PNN: variants seen among roughly 807,000 people sequenced by gnomAD.
PNN encodes the protein pinin, desmosome associated protein.
PNN carries 38 observed loss-of-function variants against 76.6 expected under a neutral mutation model. The observed-to-expected ratio is 0.50, with a 90% CI of 0.38 to 0.65. The LOEUF (loss-of-function observed/expected upper bound fraction) is 0.65, where lower values mean the gene tolerates loss of function less well. Ranked by LOEUF, PNN falls within the 30% of genes least tolerant of loss-of-function variation. The pLI is 0.00. For synonymous variants in PNN, 366 were observed against 283.7 expected, an observed-to-expected ratio of 1.29 and a Z score of -2.91; for missense variants, 873 against 874.1, an observed-to-expected ratio of 1.00 and a Z score of 0.02.
Position 39,180,648 on chromosome 14 carries a change from T to A in PNN, c.939T>A (p.Ala313=), listed in dbSNP as rs2053262280. Residue 313 remains alanine (A), a synonymous_variant, in exon 9 of 9, where the codon GCT becomes GCA. Transcript: ENST00000216832. ...CGGAACAAGAAGAGGGTAAGGTGGC[T>A]CAGCGAGAGGAAGAGTTGGAGGAGA... ...QKAEQEEGKV[A]QREEELEETG... 6.2e-7 allele frequency: 1 copy of A among 1,613,118 alleles called. No individual in the cohort carries two copies. Among genetic ancestry groups the A allele is most frequent in the African/African-American group, 1.3e-5 (1 of 74,868 alleles).
Position 39,179,472 on chromosome 14 carries a change from C to T in PNN, c.793+10C>T, listed in dbSNP as rs983456078. 8.7e-6 allele frequency: 14 copies of T among 1,606,568 alleles called. No homozygotes were observed. Among genetic ancestry groups the T allele is most frequent in the African/African-American group, 4.0e-5 (3 of 74,466 alleles). On this transcript the variant is annotated intron_variant, in intron 8 of 8. Transcript: ENST00000216832. Reference sequence around the variant, plus strand: ...CAGAGAAAAATGAACGGTAAGTATGCGAAGAGGTCCATTGAATTGTTCATA... The same window carrying T: ...CAGAGAAAAATGAACGGTAAGTATGTGAAGAGGTCCATTGAATTGTTCATA...
Position 39,176,294 on chromosome 14 carries a change from T to TATAA in PNN, c.185+149_185+152dup, listed in dbSNP as rs2053223395. The TATAA allele has an allele frequency of 4.7e-6, 3 of 640,286 alleles. No homozygotes were observed. In the East Asian group the frequency reaches 8.2e-5, roughly 18 times the overall value. 39.7% of individuals were successfully genotyped at this position (640,286 alleles called of 1,614,324 possible). ...AATGTTGTAATAGACTAGATTTCTG[T>TATAA]ATAAATATAGTTATCCTGAAAAACT... On this transcript the variant is annotated intron_variant, in intron 2 of 8. Coordinates refer to ENST00000216832, the MANE Select transcript of PNN (RefSeq NM_002687.4).
Position 39,180,796 on chromosome 14 carries a change from G to A in PNN, c.1087G>A (p.Glu363Lys). 6.2e-7 allele frequency: 1 copy of A among 1,612,258 alleles called. No individual in the cohort carries two copies. The highest frequency in any genetic ancestry group is 8.5e-7 in the Non-Finnish European group (1 of 1,179,000). The change falls in exon 9 of 9, where the codon GAG becomes AAG. Residue 363 changes from glutamate (E) to lysine (K), a missense_variant. Transcript: ENST00000216832. The part of the protein sequence containing the change: ...QEEEEQKQEM[E>K]VKMEEETEVR... ...GGAGGAAGAACAAAAACAGGAAATG[G>A]AGGTTAAGATGGAGGAGGAAACTGA...
Position 39,176,958 on chromosome 14 carries a change from G to A in PNN, c.254+363G>A, listed in dbSNP as rs1293171454. 3.3e-5 allele frequency among the ~76,000 whole-genome samples: 5 copies of A among 152,246 alleles called. No individual in the cohort carries two copies. The East Asian group carries it at 5.8e-4, about 18-fold the overall frequency. ...TTTGGGCGTTAGTTCACACATTGTAGTATCCTTTCTCTGCTGGAGGAAAGA... is the reference window on the plus strand; with the variant it reads ...TTTGGGCGTTAGTTCACACATTGTAATATCCTTTCTCTGCTGGAGGAAAGA... On this transcript the variant is annotated intron_variant, in intron 3 of 8. Coordinates refer to ENST00000216832, the MANE Select transcript of PNN (RefSeq NM_002687.4).
In PNN at chr14:39,181,824, AAG is replaced by A. The variant is rs1383422927; in HGVS notation, c.2119_2120del (p.Asp707ProfsTer19). The part of the protein sequence containing the change: ...RSGKRSSRSE[R>X]DRKSDRKDKR... ...CAGGCAAAAGATCTTCAAGAAGTGA[AAG>A]AGACCGAAAATCAGACAGGAAAGAC... On this transcript the variant is annotated frameshift_variant, in exon 9 of 9. Coordinates refer to ENST00000216832, the MANE Select transcript of PNN (RefSeq NM_002687.4). LOFTEE classifies it high-confidence loss of function. 5 of 1,603,486 alleles carry A rather than the reference AAG, an allele frequency of 3.1e-6. No individual in the cohort carries two copies. The highest frequency in any genetic ancestry group is 2.2e-5 in the East Asian group (1 of 44,870).
chr14:39,177,266 G>T, intron 3 of PNN, 146 bp from the exon 4 acceptor site: 7 of 634,592 alleles, frequency 1.1e-5, no homozygotes, highest in Non-Finnish European at 1.9e-5. Context: ...CACGCCTGTA[G>T]TCCCAGCTGC....
rs1566559496 is a variant in PNN, at chr14:39,181,341, A to G, written c.1632A>G (p.Pro544=). The change falls in exon 9 of 9, where the codon CCA becomes CCG. Residue 544 remains proline (P), a synonymous_variant. Transcript: ENST00000216832. ...AACTCACTGAGGTACCAGTAGAGCC[A>G]GTCTTGACAGTACATCCAGAGAGCA... The part of the protein sequence containing the change: ...SVKLTEVPVE[P]VLTVHPESKS... 1.2e-6 allele frequency: 2 copies of G among 1,614,238 alleles called. No individual in the cohort carries two copies. Among genetic ancestry groups the G allele is most frequent in the East Asian group, 4.5e-5 (2 of 44,890 alleles).
In PNN at chr14:39,177,393, T is replaced by C; in HGVS notation, c.255-19T>C. The C allele has an allele frequency of 6.2e-7, 1 of 1,610,004 alleles. No homozygotes were observed. Among genetic ancestry groups the C allele is most frequent in the South Asian group, 1.1e-5 (1 of 90,792 alleles). ...ATAGTGAAACCCTGTCTCAAAAAAATTAATATTTTCTATGACAGGCTGGGC... is the reference window on the plus strand; with the variant it reads ...ATAGTGAAACCCTGTCTCAAAAAAACTAATATTTTCTATGACAGGCTGGGC... On this transcript the variant is annotated intron_variant, in intron 3 of 8. Transcript: ENST00000216832.
At chr14:39,178,699 C>T (rs532428945) in intron 6 of PNN, among the ~76,000 whole-genome samples, 58 of 145,974 alleles carry the variant, frequency 4.0e-4, no homozygotes, top group South Asian at 1.7e-3. Context: ...CCACTGTGCC[C>T]GGCCTGCAGA....
At position 39,177,847 on chromosome 14, in the gene PNN, G is replaced by A. The variant is rs1138656; in HGVS notation, c.429G>A (p.Arg143=). Residue 143 remains arginine, a synonymous_variant, in exon 6 of 9, where the codon CGG becomes CGA. Coordinates refer to ENST00000216832, the MANE Select transcript of PNN (RefSeq NM_002687.4). ...TTCTTATTCTGTTCTTTAGGAACCGGCGAATATTTGGCTTGTTGATGGGTA... is the reference window on the plus strand; with the variant it reads ...TTCTTATTCTGTTCTTTAGGAACCGACGAATATTTGGCTTGTTGATGGGTA... The part of the protein sequence containing the change: ...NMDEKGKQRN[R]RIFGLLMGTL... The A allele has an allele frequency of 6.2e-7, 1 of 1,609,842 alleles. No homozygotes were observed. Among genetic ancestry groups the A allele is most frequent in the Non-Finnish European group, 8.5e-7 (1 of 1,176,492 alleles).
chr14:39,179,897 A>G (rs2053257216), intron 8 of PNN, among the ~76,000 whole-genome samples: 1 of 148,140 alleles, frequency 6.8e-6, no homozygotes, highest in Non-Finnish European at 1.5e-5. Context: ...GCTAGACTCC[A>G]TCTCAAAAAA....
chr14:39,181,245 A>G lies in PNN; in HGVS notation c.1536A>G (p.Pro512=). Residue 512 remains proline (P), a synonymous_variant, in exon 9 of 9, where the codon CCA becomes CCG. Coordinates refer to ENST00000216832, the MANE Select transcript of PNN (RefSeq NM_002687.4). ...ATTTGTCATTAGCTGTTTTACAGCCAACACCCCAAGTTACTCAGGAGCAAG... is the reference window on the plus strand; with the variant it reads ...ATTTGTCATTAGCTGTTTTACAGCCGACACCCCAAGTTACTCAGGAGCAAG... ...PEDLSLAVLQ[P]TPQVTQEQGH... is the part of the protein sequence containing the mutation. The G allele has an allele frequency of 6.2e-7, 1 of 1,614,144 alleles. No individual in the cohort carries two copies. Among genetic ancestry groups the G allele is most frequent in the African/African-American group, 1.3e-5 (1 of 75,050 alleles).
intron 6 of PNN, among the ~76,000 whole-genome samples, chr14:39,178,691 A>T (rs1243659026): frequency 2.1e-5 from 3 of 146,246 alleles, no homozygotes; most frequent in African/African-American, 5.1e-5. Flanking sequence ...GGTGTGAGCC[A>T]CTGTGCCCGG....
chr14:39,181,129 G>A lies in PNN; in HGVS notation c.1420G>A (p.Ala474Thr). 6.2e-7 allele frequency: 1 copy of A among 1,611,772 alleles called. No individual in the cohort carries two copies. The highest frequency in any genetic ancestry group is 8.5e-7 in the Non-Finnish European group (1 of 1,177,996). The change falls in exon 9 of 9, where the codon GCT (alanine) becomes ACT (threonine). Residue 474 changes from alanine to threonine, a missense_variant. This residue lies in a region of PNN where 712 missense variants were observed against 693.1 expected (regional missense o/e 1.03). Transcript: ENST00000216832. Reference protein sequence around the residue: ...KESEPQPEPVAQPQPQSQPQL... With the variant: ...KESEPQPEPVTQPQPQSQPQL... ...ATCTGAGCCCCAACCTGAGCCTGTG[G>A]CTCAACCTCAGCCTCAGTCTCAGCC...
chr14:39,179,701 G>A (rs1354896356), intron 8 of PNN, among the ~76,000 whole-genome samples: 1 of 151,850 alleles, frequency 6.6e-6, no homozygotes, highest in Non-Finnish European at 1.5e-5. Flanking sequence ...AGACCATCCC[G>A]GCTAACATGG....
At position 39,175,271 on chromosome 14, in the gene PNN, A is replaced by C; in HGVS notation, c.-9A>C. The stretch of plus-strand genomic sequence containing the variant: ...TGTAAAGCAGTCTCAAGCCTGCCGC[A>C]GGGAGAAGATGGCGGTCGCCGTGAG... On this transcript the variant is annotated 5_prime_UTR_variant, in exon 1 of 9. Transcript: ENST00000216832. 6.4e-7 allele frequency: 1 copy of C among 1,559,124 alleles called. No homozygotes were observed. Among genetic ancestry groups the C allele is most frequent in the Non-Finnish European group, 8.8e-7 (1 of 1,134,718 alleles).
chr14:39,179,495 A>C, intron 8 of PNN, 33 bp downstream of exon 8: 3 of 1,578,836 alleles, frequency 1.9e-6, no homozygotes, highest in Middle Eastern at 2.1e-4. Context: ...TGAATTGTTC[A>C]TAGTGGGTAA....
At position 39,180,906 on chromosome 14, in the gene PNN, A is replaced by G; in HGVS notation, c.1197A>G (p.Val399=). ...AGATGGTTGAGAATGTCAAACATGT[A>G]ATTGCTGACCAGGAGGTAATGGAAA... ...VLEMVENVKH[V]IADQEVMETN... Residue 399 remains valine, a synonymous_variant, in exon 9 of 9, where the codon GTA becomes GTG. Transcript: ENST00000216832. 3 of 1,614,134 alleles carry G rather than the reference A, an allele frequency of 1.9e-6. No individual in the cohort carries two copies. The highest frequency in any genetic ancestry group is 2.5e-6 in the Non-Finnish European group (3 of 1,179,946).
Position 39,181,513 on chromosome 14 carries a change from A to C in PNN, c.1804A>C (p.Ser602Arg), listed in dbSNP as rs1343152026. 6.3e-7 allele frequency: 1 copy of C among 1,599,810 alleles called. No individual in the cohort carries two copies. The highest frequency in any genetic ancestry group is 8.5e-7 in the Non-Finnish European group (1 of 1,173,284). Residue 602 changes from serine to arginine, a missense_variant, in exon 9 of 9, where the codon AGC becomes CGC. Ser to Arg is a moderately radical substitution (Grantham distance 110). This residue lies in a region of PNN where 712 missense variants were observed against 693.1 expected (regional missense o/e 1.03). Transcript: ENST00000216832. ...SGSSSSSGSSSSRSSSSSSSS... is the reference protein window; with the variant it reads ...SGSSSSSGSSRSRSSSSSSSS... ...AAGTAGTTCCAGCAGTGGAAGTAGT[A>C]GCAGTCGCAGTAGTTCCAGTAGCAG...
Sources: allele counts gnomAD v4.1 joint callset (sites outside exome capture counted in the v4.1 genomes callset), GRCh38; gene constraint gnomAD v4.1.1; regional missense constraint gnomAD v4.1.1; transcripts MANE v1.5; gene names NCBI Gene and HGNC (gene_info 2026-07-23, HGNC 2026-07-21).